Variants in CSMD1 observed in about 807,000 individuals in gnomAD.
The protein encoded by CSMD1 is CUB and sushi domain-containing protein 1.
CSMD1 carries 213 observed loss-of-function variants against 417.5 expected under a neutral mutation model. That is an observed-to-expected ratio of 0.51 (90% CI 0.46 to 0.57). CSMD1 has a LOEUF of 0.57. Among genes scored for constraint, CSMD1 ranks in the 20% least tolerant of loss-of-function variants. CSMD1 has a pLI of 0.00. For missense variants in CSMD1, 6,923 were observed against 4,529.7 expected, an observed-to-expected ratio of 1.53 and a Z score of -15.17; for synonymous variants, 2,862 against 1,736.8, an observed-to-expected ratio of 1.65 and a Z score of -16.11.
At chr8:3,251,844 C>A (rs1410601109) in intron 26 of CSMD1, among the ~76,000 whole-genome samples, 1 of 152,194 alleles carries the variant, frequency 6.6e-6, no homozygotes, top group Non-Finnish European at 1.5e-5. Flanking sequence ...TGGCAGTTCA[C>A]TCATGATTTG....
chr8:3,275,146 T>G (rs1251867390), intron 26 of CSMD1, among the ~76,000 whole-genome samples: 1 of 152,172 alleles, frequency 6.6e-6, no homozygotes, highest in African/African-American at 2.4e-5. Flanking sequence ...TCTCTCAGCA[T>G]TTGCTTGTCT....
At chr8:4,509,062 A>G (rs1216937954) in intron 2 of CSMD1, among the ~76,000 whole-genome samples, 1 of 152,152 alleles carries the variant, frequency 6.6e-6, no homozygotes, top group Non-Finnish European at 1.5e-5. Flanking sequence ...TGCAAAGATG[A>G]TAGAAGAGGA....
At chr8:3,592,176 A>G (rs1356562864) in intron 8 of CSMD1, among the ~76,000 whole-genome samples, 1 of 152,150 alleles carries the variant, frequency 6.6e-6, no homozygotes, top group African/African-American at 2.4e-5. Flanking sequence ...AGGTAGATAG[A>G]TTGACAGATG....
intron 4 of CSMD1, among the ~76,000 whole-genome samples, chr8:4,023,311 C>G (rs1283897362): frequency 6.6e-6 from 1 of 152,176 alleles, no homozygotes. Context: ...TTAACTTGAG[C>G]AAAGAGTATT....
At chr8:4,040,877 T>A (rs1172866733) in intron 3 of CSMD1, among the ~76,000 whole-genome samples, 1 of 152,206 alleles carries the variant, frequency 6.6e-6, no homozygotes, top group Non-Finnish European at 1.5e-5. Flanking sequence ...AAGATAATGT[T>A]CACTATGTAA....
chr8:3,406,035 C>T lies in CSMD1; in HGVS notation c.2258G>A (p.Arg753His), dbSNP rs748646070. 18 of 1,613,272 alleles carry T rather than the reference C, an allele frequency of 1.1e-5. No homozygotes were observed. The highest frequency in any genetic ancestry group is 2.2e-5 in the East Asian group (1 of 44,874). ...GGTGGCAGGGACTGCACCTTCACAG[C>T]GGGGCACGGTGGAGCTCCAGACCAC... ...GNVVWSSTVP[R>H]CEAPCGGHLT... The change falls in exon 15 of 70, where the codon CGC (arginine) becomes CAC (histidine). Residue 753 changes from arginine to histidine, a missense_variant. By Grantham distance (29) the Arg-to-His change is conservative (BLOSUM62 0). Coordinates refer to ENST00000635120, the MANE Select transcript of CSMD1 (RefSeq NM_033225.6).
chr8:4,029,821 C>T (rs1036538848), intron 4 of CSMD1, among the ~76,000 whole-genome samples: 1 of 152,150 alleles, frequency 6.6e-6, no homozygotes, highest in Non-Finnish European at 1.5e-5. Context: ...TAATAAAATA[C>T]AAGCTAGTTA....
At chr8:4,562,006 G>C (rs1194914564) in intron 2 of CSMD1, among the ~76,000 whole-genome samples, 1 of 152,050 alleles carries the variant, frequency 6.6e-6, no homozygotes, top group Admixed American at 6.5e-5. Context: ...TAAAATCACA[G>C]AAAATAAATA....
At chr8:4,290,757 G>C (rs971030605) in intron 3 of CSMD1, among the ~76,000 whole-genome samples, 1 of 152,204 alleles carries the variant, frequency 6.6e-6, no homozygotes, top group South Asian at 2.1e-4. Context: ...TTTCATTTAG[G>C]ATTTCTATTC....
chr8:4,012,427 A>G lies in CSMD1; in HGVS notation c.611-14317T>C, dbSNP rs1320648839. 7.9e-5 allele frequency among the ~76,000 whole-genome samples: 12 copies of G among 151,918 alleles called. 1 individual carries two copies. Among genetic ancestry groups the G allele is most frequent in the Non-Finnish European group, 1.8e-4 (12 of 67,986 alleles). ...TCGCGTGGATTTATTTTTATGTTTT[A>G]TTCTTAACTTTTATTTTTGTTTCAG... On this transcript the variant is annotated intron_variant, in intron 4 of 69. Coordinates refer to ENST00000635120, the MANE Select transcript of CSMD1 (RefSeq NM_033225.6).
In CSMD1 at chr8:2,962,571, A is replaced by G; in HGVS notation, c.9523T>C (p.Ser3175Pro). The change falls in exon 61 of 70, where the codon TCC becomes CCC. Residue 3175 changes from serine (S) to proline (P), a missense_variant. Ser to Pro is a moderately conservative substitution (Grantham distance 74). Transcript: ENST00000635120. Reference protein sequence around the residue: ...RLSGKSFTYKSEVFFQCKSPF... With the variant: ...RLSGKSFTYKPEVFFQCKSPF... Reference sequence around the variant, plus strand: ...GATTTGCACTGGAAGAAGACTTCGGACTTATAGGTGAAACTTTTCCCACTA... The same window carrying G: ...GATTTGCACTGGAAGAAGACTTCGGGCTTATAGGTGAAACTTTTCCCACTA... 1.2e-6 allele frequency: 2 copies of G among 1,613,866 alleles called. No homozygotes were observed. The highest frequency in any genetic ancestry group is 1.7e-6 in the Non-Finnish European group (2 of 1,179,824).
intron 1 of CSMD1, among the ~76,000 whole-genome samples, chr8:4,764,880 A>AC (rs1277954890): frequency 3.9e-5 from 2 of 50,780 alleles, no homozygotes; most frequent in Admixed American, 2.6e-4. Flanking sequence ...CTCAAAAAAA[A>AC]AAAAAAAAAA....
intron 7 of CSMD1, among the ~76,000 whole-genome samples, chr8:3,699,337 G>T (rs946265867): frequency 6.6e-6 from 1 of 152,208 alleles, no homozygotes; most frequent in East Asian, 1.9e-4. Flanking sequence ...AAACTAGTGT[G>T]TTTTACTGAC....
intron 12 of CSMD1, among the ~76,000 whole-genome samples, chr8:3,437,734 G>A (rs113942881): frequency 6.8e-6 from 1 of 148,040 alleles, no homozygotes; most frequent in Middle Eastern, 3.4e-3. Context: ...CACTATAGAT[G>A]CAGCTAATTG....
intron 2 of CSMD1, among the ~76,000 whole-genome samples, chr8:4,608,275 C>T (rs908860450): frequency 8.5e-5 from 13 of 152,152 alleles, no homozygotes; most frequent in African/African-American, 2.9e-4. Context: ...AAAGTCTGCA[C>T]CGTGGGCTAA....
At chr8:4,268,395 G>C (rs1342863290) in intron 3 of CSMD1, among the ~76,000 whole-genome samples, 1 of 152,154 alleles carries the variant, frequency 6.6e-6, no homozygotes, top group Non-Finnish European at 1.5e-5. Context: ...CTCTCAAGAG[G>C]AAGTAATTAT....
intron 3 of CSMD1, among the ~76,000 whole-genome samples, chr8:4,162,765 C>A (rs560071141): frequency 6.6e-6 from 1 of 152,196 alleles, no homozygotes; most frequent in East Asian, 1.9e-4. Context: ...CATCCAAACC[C>A]CCAGTTTACA....
intron 1 of CSMD1, among the ~76,000 whole-genome samples, chr8:4,751,883 A>T (rs1811350381): frequency 6.6e-6 from 1 of 152,184 alleles, no homozygotes; most frequent in Non-Finnish European, 1.5e-5. Flanking sequence ...TTTCCAATTA[A>T]TCATCCACTT....
chr8:4,100,694 C>A (rs185608041), intron 3 of CSMD1, among the ~76,000 whole-genome samples: 3 of 152,122 alleles, frequency 2.0e-5, no homozygotes, highest in Non-Finnish European at 4.4e-5. Flanking sequence ...TACTGGGAGA[C>A]TCTTTAATTT....
Sources: allele counts gnomAD v4.1 joint callset (sites outside exome capture counted in the v4.1 genomes callset), GRCh38; gene constraint gnomAD v4.1.1; transcripts MANE v1.5; gene names NCBI Gene and HGNC (gene_info 2026-07-23, HGNC 2026-07-21).